TENM1: variants seen among roughly 807,000 people sequenced by gnomAD.
TENM1 encodes the protein teneurin-1.
Under a neutral mutation model 174.8 loss-of-function variants are expected in TENM1, and 35 were observed. The ratio of observed to expected loss-of-function variants is 0.20; its 90% CI spans 0.15 to 0.27. The LOEUF (loss-of-function observed/expected upper bound fraction) is 0.27. Ranked by LOEUF, TENM1 falls within the 10% of genes least tolerant of loss-of-function variation. The pLI is 1.00. For synonymous variants in TENM1, 781 were observed against 798.7 expected (o/e 0.98, Z 0.37); for missense variants, 1,633 against 2,130.1 (o/e 0.77, Z 4.59).
At chrX:124,709,448 G>T (rs927640299) in intron 4 of TENM1, among the ~76,000 whole-genome samples, 19 of 110,003 alleles carry the variant, frequency 1.7e-4, no homozygotes, top group Non-Finnish European at 3.6e-4. Context: ...ATGTTTAACT[G>T]AGCCACACTA....
chrX:124,854,542 T>G (rs1603247248), intron 3 of TENM1, among the ~76,000 whole-genome samples: 1 of 111,599 alleles, frequency 9.0e-6, no homozygotes, highest in Admixed American at 9.5e-5. Flanking sequence ...CAGACAGATA[T>G]TTTTCCTAAC....
At chrX:124,669,890 T>C (rs1396783171) in intron 6 of TENM1, among the ~76,000 whole-genome samples, 1 of 112,062 alleles carries the variant, frequency 8.9e-6, no homozygotes, top group Non-Finnish European at 1.9e-5. Context: ...TTTGCTTTCA[T>C]TGTGTAAAAA....
the TENM1 span, among the ~76,000 whole-genome samples, chrX:125,069,070 T>TG: frequency 1.9e-3 from 206 of 111,335 alleles, no homozygotes; most frequent in Admixed American, 0.017. Context: ...ATGGGAATGA[T>TG]GGGGGGGTTG....
intron 3 of TENM1, among the ~76,000 whole-genome samples, chrX:124,780,526 A>C (rs183390665): frequency 1.3e-4 from 15 of 111,688 alleles, no homozygotes; most frequent in Non-Finnish European, 2.8e-4. Flanking sequence ...CTGTGATTTA[A>C]AACAACCAAA....
intron 3 of TENM1, among the ~76,000 whole-genome samples, chrX:124,846,629 C>T (rs1603243497): frequency 9.0e-6 from 1 of 111,385 alleles, no homozygotes; most frequent in South Asian, 3.8e-4. Context: ...GCAAAATTAA[C>T]AATGATAACA....
intron 3 of TENM1, among the ~76,000 whole-genome samples, chrX:124,741,123 G>A (rs1041155589): frequency 1.1e-4 from 12 of 111,971 alleles, no homozygotes; most frequent in Non-Finnish European, 2.3e-4. Flanking sequence ...CCAAACTGTA[G>A]ATTTGAGACA....
chrX:124,637,738 CTCTA>C (rs1201687695), intron 11 of TENM1, among the ~76,000 whole-genome samples: 8 of 112,056 alleles, frequency 7.1e-5, no homozygotes, highest in Non-Finnish European at 1.5e-4. Context: ...GTATCTCTCT[CTCTA>C]TCTTTTAGCA....
At chrX:124,526,001 A>C (rs1246273724) in intron 16 of TENM1, among the ~76,000 whole-genome samples, 1 of 111,920 alleles carries the variant, frequency 8.9e-6, no homozygotes, top group African/African-American at 3.2e-5. Flanking sequence ...CCATGAGCAG[A>C]TACTGATTTT....
At chrX:125,147,137 G>A in the TENM1 span, among the ~76,000 whole-genome samples, 1 of 97,729 alleles carries the variant, frequency 1.0e-5, no homozygotes, top group Non-Finnish European at 2.2e-5. Flanking sequence ...ACACACATAT[G>A]TGTGTATATA....
the TENM1 span, among the ~76,000 whole-genome samples, chrX:125,013,816 A>G: frequency 8.9e-6 from 1 of 112,190 alleles, no homozygotes; most frequent in Non-Finnish European, 1.9e-5. Flanking sequence ...AACCAGATTA[A>G]GTGTGTAAAC....
At chrX:124,939,010 G>A (rs2058286428) in intron 1 of TENM1, among the ~76,000 whole-genome samples, 1 of 111,720 alleles carries the variant, frequency 9.0e-6, no homozygotes, top group African/African-American at 3.3e-5. Context: ...AACTTAAAAA[G>A]GGAGGCGGGG....
intron 3 of TENM1, among the ~76,000 whole-genome samples, chrX:124,809,193 G>A (rs796941811): frequency 9.0e-6 from 1 of 111,652 alleles, no homozygotes; most frequent in Admixed American, 9.5e-5. Context: ...ATATTGGATA[G>A]CCTAGAAGAA....
At chrX:124,991,525 A>AC in the TENM1 span, among the ~76,000 whole-genome samples, 1 of 109,958 alleles carries the variant, frequency 9.1e-6, no homozygotes. Flanking sequence ...ACAGAGAGAG[A>AC]CAGAGAGAGA....
At chrX:124,385,765 T>C (rs1234904102) in exon 29 of TENM1, 1 of 1,211,559 alleles carries the variant, frequency 8.3e-7, no homozygotes, top group East Asian at 3.0e-5. Context: ...CATATGTTAA[T>C]GTGACCTGAG....
intron 18 of TENM1, among the ~76,000 whole-genome samples, chrX:124,507,481 T>C (rs747617132): frequency 1.8e-5 from 2 of 111,529 alleles, no homozygotes; most frequent in Non-Finnish European, 3.8e-5. Context: ...GGTCACAGGA[T>C]TGCACCTCTG....
At chrX:124,591,526 C>A (rs2049742405) in intron 11 of TENM1, among the ~76,000 whole-genome samples, 1 of 111,710 alleles carries the variant, frequency 9.0e-6, no homozygotes, top group East Asian at 2.8e-4. Context: ...AATTTCTTTT[C>A]TTTAAGAATG....
At chrX:124,662,037 T>A in intron 6 of TENM1, among the ~76,000 whole-genome samples, 1 of 111,316 alleles carries the variant, frequency 9.0e-6, no homozygotes, top group East Asian at 2.8e-4. Context: ...GATGTCCCAG[T>A]TTATCTCTAA....
At chrX:124,377,791 A>G (rs1231150577) in exon 32 of TENM1, 1 of 111,827 alleles carries the variant, frequency 8.9e-6, no homozygotes, top group African/African-American at 3.2e-5. Context: ...AGAAATTCAT[A>G]TGTTTCTCTG....
At chrX:124,431,047 T>G (rs1002456830) in intron 23 of TENM1, among the ~76,000 whole-genome samples, 31 of 112,116 alleles carry the variant, frequency 2.8e-4, no homozygotes, top group Non-Finnish European at 9.4e-5. Flanking sequence ...TATAGTCTTT[T>G]GCTGACTTCA....
Sources: allele counts gnomAD v4.1 joint callset (sites outside exome capture counted in the v4.1 genomes callset), GRCh38; gene constraint gnomAD v4.1.1; transcripts MANE v1.5; gene names NCBI Gene and HGNC (gene_info 2026-07-23, HGNC 2026-07-21).